Variants in SRL observed in about 807,000 individuals in gnomAD.
SRL encodes sarcalumenin.
A neutral mutation model predicts 39.5 loss-of-function variants in SRL; 23 were observed. The observed-to-expected ratio is 0.58, with a 90% CI of 0.42 to 0.82. The LOEUF is 0.82. Among genes scored for constraint, SRL ranks in the 40% least tolerant of loss-of-function variants. The pLI is 0.00. For synonymous variants in SRL, 272 were observed against 237.4 expected (o/e 1.15, Z -1.34); for missense variants, 592 against 607.8 (o/e 0.97, Z 0.27).
chr16:4,217,273 C>A (rs2052471309), intron 1 of SRL, among the ~76,000 whole-genome samples: 1 of 152,110 alleles, frequency 6.6e-6, no homozygotes. Context: ...TTTTTACAGA[C>A]CCTGTCCCTT....
chr16:4,190,252 C>G lies in SRL; in HGVS notation c.*1901G>C, dbSNP rs2052045134. On this transcript the variant is annotated 3_prime_UTR_variant, in exon 6 of 6. Coordinates refer to ENST00000399609, the MANE Select transcript of SRL (RefSeq NM_001098814.2). ...CTCGAGGTTCTCCTCATAGACCTAA[C>G]CTGACTGCCAACTGGCTTACCCTGC... is the stretch of plus-strand genomic sequence containing the variant. 1 of 398,800 alleles carries G rather than the reference C, an allele frequency of 2.5e-6. No individual in the cohort carries two copies. The highest frequency in any genetic ancestry group is 1.3e-4 in the South Asian group (1 of 7,860). The allele number at this position is 398,800 out of a possible 1,614,324, so 24.7% of individuals were successfully genotyped here.
At position 4,229,443 on chromosome 16, in the gene SRL, C is replaced by A. The variant is rs1321890717; in HGVS notation, c.61+12564G>T. Among the ~76,000 whole-genome samples, 11 of 151,826 alleles carry A rather than the reference C, an allele frequency of 7.2e-5. No homozygotes were observed. In the East Asian group the frequency reaches 2.1e-3, roughly 29 times the overall value. ...CCAGCCTGGGCGACAGAGCAAGACA[C>A]CGTCTCAAAAAAAAACAAAAAACAT... is the stretch of plus-strand genomic sequence containing the variant. On this transcript the variant is annotated intron_variant, in intron 1 of 5. Coordinates refer to ENST00000399609, the MANE Select transcript of SRL (RefSeq NM_001098814.2).
At chr16:4,227,422 T>C (rs899451720) in intron 1 of SRL, among the ~76,000 whole-genome samples, 37 of 151,024 alleles carry the variant, frequency 2.4e-4, no homozygotes, top group African/African-American at 7.6e-4. Flanking sequence ...GGTAGACTGA[T>C]GGATGGAAGG....
At chr16:4,228,176 C>T (rs544624057) in intron 1 of SRL, among the ~76,000 whole-genome samples, 5 of 152,316 alleles carry the variant, frequency 3.3e-5, no homozygotes, top group Admixed American at 1.3e-4. Flanking sequence ...CAGTGGCTCA[C>T]GCCTGTAATC....
chr16:4,230,119 C>T (rs2052642810), intron 1 of SRL, among the ~76,000 whole-genome samples: 1 of 152,082 alleles, frequency 6.6e-6, no homozygotes, highest in Non-Finnish European at 1.5e-5. Context: ...AGCCACCCTC[C>T]TACCTACCAC....
At chr16:4,201,566 T>C (rs2052231243) in intron 3 of SRL, among the ~76,000 whole-genome samples, 1 of 136,860 alleles carries the variant, frequency 7.3e-6, no homozygotes, top group South Asian at 2.2e-4. Context: ...TGTGAGCCAC[T>C]GTGCCCGGCC....
At chr16:4,210,268 G>A (rs918867321) in intron 1 of SRL, among the ~76,000 whole-genome samples, 5 of 152,098 alleles carry the variant, frequency 3.3e-5, no homozygotes, top group Non-Finnish European at 5.9e-5. Flanking sequence ...TTCCACCCCT[G>A]CAGAAAAATC....
intron 1 of SRL, among the ~76,000 whole-genome samples, chr16:4,241,516 T>C (rs1486914523): frequency 6.6e-6 from 1 of 152,196 alleles, no homozygotes; most frequent in Non-Finnish European, 1.5e-5. Context: ...CAATTCTATC[T>C]CACTGCTCCC....
chr16:4,223,923 T>C (rs1294133437), intron 1 of SRL, among the ~76,000 whole-genome samples: 1 of 152,108 alleles, frequency 6.6e-6, no homozygotes, highest in Non-Finnish European at 1.5e-5. Context: ...AAAGCTGATG[T>C]CCATCAGCCC....
In SRL at chr16:4,192,014, C is replaced by T. The variant is rs62039284; in HGVS notation, c.*139G>A. The stretch of plus-strand genomic sequence containing the variant: ...TAGACCCACACACCTGCCCCGACCC[C>T]TGGCCTCAATGAACTCCCAACTCTC... On this transcript the variant is annotated 3_prime_UTR_variant, in exon 6 of 6. Coordinates refer to ENST00000399609, the MANE Select transcript of SRL (RefSeq NM_001098814.2). This position sits in a 1 kb window ranked among gnomAD's most constrained non-coding sequence, Gnocchi z 4.0. The T allele has an allele frequency of 0.15, 142,163 of 948,362 alleles. 11,913 individuals carry two copies. The highest frequency in any genetic ancestry group is 0.17 in the Non-Finnish European group (109,911 of 628,094). The allele number at this position is 948,362 out of a possible 1,614,324, so 58.7% of individuals were successfully genotyped here.
In SRL at chr16:4,204,609, T is replaced by C. The variant is rs1221569279; in HGVS notation, c.87A>G (p.Glu29=). The change falls in exon 2 of 6, where the codon GAA becomes GAG. Residue 29 remains glutamate, a synonymous_variant. Coordinates refer to ENST00000399609, the MANE Select transcript of SRL (RefSeq NM_001098814.2). ...TGTGGGAGCGGTCCCTCAATGGGGC[T>C]TCTTCATTTGCATCCTCCGTCTCTT... ...QAEETEDANE[E]APLRDRSHIE... 7 of 1,614,046 alleles carry C rather than the reference T, an allele frequency of 4.3e-6. No homozygotes were observed. Among genetic ancestry groups the C allele is most frequent in the Non-Finnish European group, 5.9e-6 (7 of 1,180,028 alleles).
chr16:4,213,411 T>C (rs1008194918), intron 1 of SRL, among the ~76,000 whole-genome samples: 38 of 125,796 alleles, frequency 3.0e-4, no homozygotes, highest in African/African-American at 8.4e-4. Flanking sequence ...TTTCTTTTTT[T>C]TTTTTTTTTT....
At chr16:4,232,207 C>G (rs1004853557) in intron 1 of SRL, among the ~76,000 whole-genome samples, 1 of 152,174 alleles carries the variant, frequency 6.6e-6, no homozygotes, top group Non-Finnish European at 1.5e-5. Context: ...CTTGGGAGCC[C>G]GAGGCCAGGA....
intron 1 of SRL, among the ~76,000 whole-genome samples, chr16:4,218,469 G>A (rs1041779114): frequency 3.0e-4 from 46 of 152,128 alleles, no homozygotes; most frequent in African/African-American, 1.0e-3. Flanking sequence ...GAAACCACTC[G>A]GGCCTGGAGA....
intron 3 of SRL, among the ~76,000 whole-genome samples, chr16:4,200,410 G>T (rs2052212555): frequency 6.6e-6 from 1 of 152,168 alleles, no homozygotes; most frequent in Non-Finnish European, 1.5e-5. Context: ...CCTCACAGCA[G>T]GGGGCACCGC....
At chr16:4,207,208 C>A (rs558211940) in intron 1 of SRL, 2 of 456,954 alleles carry the variant, frequency 4.4e-6, no homozygotes, top group Non-Finnish European at 4.4e-6. Flanking sequence ...CCTTCTTCCT[C>A]GCTTCCACTT....
chr16:4,239,018 G>A (rs949167446), intron 1 of SRL, among the ~76,000 whole-genome samples: 9 of 152,060 alleles, frequency 5.9e-5, no homozygotes, highest in African/African-American at 1.9e-4. Flanking sequence ...AGGCTTGCCC[G>A]GCTGCACCAA....
chr16:4,227,051 A>AATGGATGGATGGATGGATGGATGG (rs543919384), intron 1 of SRL, among the ~76,000 whole-genome samples: 7 of 53,212 alleles, frequency 1.3e-4, no homozygotes, highest in African/African-American at 3.2e-4. Context: ...TGGATGGATG[A>AATGGATGGATGGATGGATGGATGG]ATGGATGGAT....
At chr16:4,214,295 T>C (rs1383159481) in intron 1 of SRL, among the ~76,000 whole-genome samples, 5 of 152,230 alleles carry the variant, frequency 3.3e-5, no homozygotes, top group African/African-American at 1.2e-4. Flanking sequence ...CCTGCCAAGG[T>C]TATTCTTCCA....
Sources: allele counts gnomAD v4.1 joint callset (sites outside exome capture counted in the v4.1 genomes callset), GRCh38; gene constraint gnomAD v4.1.1; non-coding constraint Gnocchi (gnomAD v3.1); transcripts MANE v1.5; gene names NCBI Gene and HGNC (gene_info 2026-07-23, HGNC 2026-07-21).